ABR: variants seen among roughly 807,000 people sequenced by gnomAD.
The protein encoded by ABR is active breakpoint cluster region-related protein.
In ABR, 35 loss-of-function variants were observed where a neutral mutation model predicts 107.2. That is an observed-to-expected ratio of 0.33 (90% CI 0.25 to 0.43). The LOEUF (loss-of-function observed/expected upper bound fraction) is 0.43, where lower values mean the gene tolerates loss of function less well. ABR is among the 20% of genes least tolerant of loss of function. ABR has a pLI of 1.00. For synonymous variants in ABR, 498 were observed against 462.0 expected (o/e 1.08, Z -1.00); for missense variants, 815 against 1,115.2 (o/e 0.73, Z 3.83).
At chr17:1,018,859 G>T (rs974692456) in intron 16 of ABR, among the ~76,000 whole-genome samples, 1 of 152,216 alleles carries the variant, frequency 6.6e-6, no homozygotes, top group Non-Finnish European at 1.5e-5. Flanking sequence ...TGCGGTTTAA[G>T]CTCTCATAGC....
chr17:1,060,318 G>C (rs891909087), intron 10 of ABR, among the ~76,000 whole-genome samples: 19 of 152,042 alleles, frequency 1.2e-4, no homozygotes, highest in Admixed American at 1.1e-3. Flanking sequence ...GCTGAGGCAC[G>C]AGAATCGCTT....
chr17:1,082,878 T>C (rs1009459618), intron 5 of ABR, among the ~76,000 whole-genome samples: 71 of 152,210 alleles, frequency 4.7e-4, no homozygotes, highest in African/African-American at 1.6e-3. Flanking sequence ...GCACCTGTAA[T>C]GTCAGCACTT....
chr17:1,168,300 C>CA (rs1169197722), intron 1 of ABR, among the ~76,000 whole-genome samples: 9 of 150,602 alleles, frequency 6.0e-5, no homozygotes, highest in Non-Finnish European at 1.0e-4. Flanking sequence ...GACTCTGTCT[C>CA]AAAAAAAAAG....
At chr17:1,012,450 A>G (rs929403971) in intron 18 of ABR, 14 of 692,452 alleles carry the variant, frequency 2.0e-5, no homozygotes, top group Non-Finnish European at 2.9e-5. Flanking sequence ...CGAGGAGCAG[A>G]CGATCTGGGA....
At chr17:1,056,862 CA>C in intron 13 of ABR, 135 bp downstream of exon 13, 1 of 622,438 alleles carries the variant, frequency 1.6e-6, no homozygotes, top group Non-Finnish European at 3.0e-6. Flanking sequence ...GTGTCCTGGC[CA>C]CTCAACAGTC....
In ABR at chr17:1,194,489, G is replaced by C. The variant is rs966663672; in HGVS notation, c.838+34304C>G. Among the ~76,000 whole-genome samples, 3 of 131,558 alleles carry C rather than the reference G, an allele frequency of 2.3e-5. 1 individual carries two copies. Among genetic ancestry groups the C allele is most frequent in the African/African-American group, 7.8e-5 (3 of 38,688 alleles). The allele number at this position is 131,558 out of a possible 152,430, so 86.3% of individuals were successfully genotyped here. On this transcript the variant is annotated intron_variant, in intron 1 of 22. Transcript: ENST00000574139. ...TGGGATTACAGGTGTGAGACACTTCGCCCAGCCTTCTTTATTTTTTAGAGA... is the reference window on the plus strand; with the variant it reads ...TGGGATTACAGGTGTGAGACACTTCCCCCAGCCTTCTTTATTTTTTAGAGA...
At chr17:1,145,747 G>A (rs1264900202) in intron 1 of ABR, among the ~76,000 whole-genome samples, 2 of 152,228 alleles carry the variant, frequency 1.3e-5, no homozygotes, top group East Asian at 3.8e-4. Context: ...GCCAGGACCA[G>A]GATGCACGAC....
intron 3 of ABR, among the ~76,000 whole-genome samples, chr17:1,093,888 C>T (rs2037207936): frequency 6.6e-6 from 1 of 152,208 alleles, no homozygotes; most frequent in African/African-American, 2.4e-5. Flanking sequence ...CTGGCTCCTT[C>T]ATCCTCCGAG....
chr17:1,206,871 G>C (rs7342873), intron 1 of ABR, among the ~76,000 whole-genome samples: 50,522 of 152,060 alleles, frequency 0.33, 9,399 homozygotes, highest in East Asian at 0.68. Flanking sequence ...GATCACCTGA[G>C]GCCAGGAGTT....
At position 1,050,924 on chromosome 17, in the gene ABR, C is replaced by T. The variant is rs1242978044; in HGVS notation, c.1562-290G>A. ...GGCCCTCCCCACACTCTGCCCTTCC[C>T]ACCTCGGCCCTCCCCACACTCTGGC... On this transcript the variant is annotated intron_variant, in intron 14 of 22. Transcript: ENST00000302538. This position sits in a 1 kb window ranked among gnomAD's most constrained non-coding sequence, Gnocchi z 4.6. Among the ~76,000 whole-genome samples the T allele has an allele frequency of 2.6e-5, 4 of 151,626 alleles. No homozygotes were observed. The highest frequency in any genetic ancestry group is 9.7e-5 in the African/African-American group (4 of 41,178).
intron 16 of ABR, among the ~76,000 whole-genome samples, chr17:1,029,236 T>TA (rs746843023): frequency 2.0e-5 from 3 of 151,866 alleles, no homozygotes; most frequent in Non-Finnish European, 4.4e-5. Flanking sequence ...AAAAGCTGAC[T>TA]GCCAAGTCAG....
chr17:1,031,588 C>T, intron 16 of ABR: 2 of 1,234,694 alleles, frequency 1.6e-6, no homozygotes, highest in African/African-American at 1.6e-5. Flanking sequence ...CCTCCAGCCC[C>T]CGCGGGCACC....
intron 16 of ABR, 187 bp downstream of exon 16, chr17:1,049,863 C>G: frequency 1.3e-6 from 1 of 753,620 alleles, no homozygotes. Flanking sequence ...ACGCACACGC[C>G]TGGGCTTCCG....
intron 2 of ABR, among the ~76,000 whole-genome samples, chr17:1,118,309 TCCCCAGCGTTATCCCTGAGCCTGAGTCC>T (rs2039146146): frequency 2.8e-5 from 1 of 35,148 alleles, no homozygotes. Flanking sequence ...GCCTGAGTTC[TCCCCAGCGTTATCCCTGAGCCTGAGTCC>T]TCCCAGCATT....
chr17:1,029,314 C>A (rs1375085782), intron 16 of ABR, among the ~76,000 whole-genome samples: 1 of 151,988 alleles, frequency 6.6e-6, no homozygotes, highest in Admixed American at 6.6e-5. Context: ...CACAGGGACC[C>A]CCGCTGGTAC....
At chr17:1,064,370 G>A (rs1377578031) in intron 10 of ABR, among the ~76,000 whole-genome samples, 1 of 133,608 alleles carries the variant, frequency 7.5e-6, no homozygotes, top group Non-Finnish European at 1.7e-5. Flanking sequence ...AGACACTGCT[G>A]TTATGTGAAC....
intron 16 of ABR, among the ~76,000 whole-genome samples, chr17:1,030,628 CA>C (rs1163494408): frequency 6.6e-6 from 1 of 152,228 alleles, no homozygotes; most frequent in Non-Finnish European, 1.5e-5. Flanking sequence ...GGAGCTGAAA[CA>C]AAACGAGGGG....
Position 1,005,485 on chromosome 17 carries a change from A to G in ABR, c.*595T>C. 1 of 248,518 alleles carries G rather than the reference A, an allele frequency of 4.0e-6. No homozygotes were observed. Among genetic ancestry groups the G allele is most frequent in the Non-Finnish European group, 7.6e-6 (1 of 130,910 alleles). 15.4% of individuals were successfully genotyped at this position (248,518 alleles called of 1,614,324 possible). A position where few individuals can be genotyped will look rare whatever the true frequency, so the allele number is the denominator to read the frequency against. On this transcript the variant is annotated 3_prime_UTR_variant, in exon 23 of 23. Transcript: ENST00000302538. Reference sequence around the variant, plus strand: ...GGAGGGGCCGGCAGCGGCAAACGGCAGCATCAAACAGACCACTGCTGCCGC... The same window carrying G: ...GGAGGGGCCGGCAGCGGCAAACGGCGGCATCAAACAGACCACTGCTGCCGC...
upstream of ABR, among the ~76,000 whole-genome samples, chr17:1,189,631 G>A (rs950433212): frequency 3.9e-5 from 6 of 152,026 alleles, no homozygotes; most frequent in African/African-American, 7.3e-5. Flanking sequence ...GGTTGACATC[G>A]CTGGCAAAAA....
Sources: allele counts gnomAD v4.1 joint callset (sites outside exome capture counted in the v4.1 genomes callset), GRCh38; gene constraint gnomAD v4.1.1; non-coding constraint Gnocchi (gnomAD v3.1); transcripts MANE v1.5; gene names NCBI Gene and HGNC (gene_info 2026-07-23, HGNC 2026-07-21).